Variants in LARP1 observed in about 807,000 individuals in gnomAD.
The protein encoded by LARP1 is La ribonucleoprotein 1, translational regulator.
LARP1 carries 36 observed loss-of-function variants against 122.7 expected under a neutral mutation model. The observed-to-expected ratio is 0.29, with a 90% CI of 0.22 to 0.39. LARP1 has a LOEUF of 0.39. LARP1 is among the 10% of genes least tolerant of loss of function. The pLI is 1.00. For synonymous variants in LARP1, 539 were observed against 528.7 expected, an observed-to-expected ratio of 1.02 and a Z score of -0.27; for missense variants, 1,040 against 1,403.6, an observed-to-expected ratio of 0.74 and a Z score of 4.14.
At position 154,792,061 on chromosome 5, in the gene LARP1, G is replaced by A. The variant is rs879751107; in HGVS notation, c.565-561G>A. 3.7e-5 allele frequency: 16 copies of A among 437,334 alleles called. No individual in the cohort carries two copies. In the Admixed American group the frequency reaches 3.8e-4, roughly 10 times the overall value. The allele number at this position is 437,334 out of a possible 1,614,324, so 27.1% of individuals were successfully genotyped here. A position where few individuals can be genotyped will look rare whatever the true frequency, so the allele number is the denominator to read the frequency against. On this transcript the variant is annotated intron_variant, in intron 3 of 18. Coordinates refer to ENST00000518297, the MANE Select transcript of LARP1 (RefSeq NM_033551.3). ...CTGTGTTCTCCATCACTACGCTTGG[G>A]TTTTCTGAGTGAAGTAGGAGAGTGG... is the stretch of plus-strand genomic sequence containing the variant.
chr5:154,702,511 A>AC (rs1754764410), intron 1 of LARP1, among the ~76,000 whole-genome samples: 2 of 151,210 alleles, frequency 1.3e-5, no homozygotes, highest in South Asian at 4.2e-4. Flanking sequence ...AGCCAAGACC[A>AC]TGCCATTGCA....
intron 1 of LARP1, among the ~76,000 whole-genome samples, chr5:154,779,273 A>G (rs1307553950): frequency 1.3e-5 from 2 of 152,150 alleles, no homozygotes; most frequent in African/African-American, 4.8e-5. Context: ...TGTGTGGCCC[A>G]GTTAATGCCT....
chr5:154,761,134 A>G (rs1754410818), intron 1 of LARP1, among the ~76,000 whole-genome samples: 2 of 152,238 alleles, frequency 1.3e-5, no homozygotes, highest in South Asian at 4.1e-4. Flanking sequence ...AAAGGTCACA[A>G]TTAGGACACC....
At chr5:154,749,993 G>A (rs76925676) in intron 1 of LARP1, among the ~76,000 whole-genome samples, 3,755 of 152,238 alleles carry the variant, frequency 0.025, 146 homozygotes, top group African/African-American at 0.084. Flanking sequence ...AGATGGGCAG[G>A]TATGCTTCCT....
chr5:154,813,742 T>A, intron 18 of LARP1, 145 bp from the exon 19 acceptor site: 1 of 713,158 alleles, frequency 1.4e-6, no homozygotes. Flanking sequence ...AAGAAACGCT[T>A]AATAACTTAT....
chr5:154,755,435 A>C lies in LARP1; in HGVS notation c.-323A>C. 2.1e-5 allele frequency: 9 copies of C among 433,736 alleles called. No homozygotes were observed. Among genetic ancestry groups the C allele is most frequent in the Non-Finnish European group, 2.7e-5 (9 of 334,840 alleles). 26.9% of individuals were successfully genotyped at this position (433,736 alleles called of 1,614,324 possible). ...CCGGGCCGCCCCGGGGGCGGGGGGG[A>C]GGGAGGGACGGGACTAGAAGCCTGC... On this transcript the variant is annotated 5_prime_UTR_variant, in exon 1 of 19. Coordinates refer to ENST00000518297, the MANE Select transcript of LARP1 (RefSeq NM_033551.3).
intron 1 of LARP1, among the ~76,000 whole-genome samples, chr5:154,721,346 C>CAAAAAAAAAAAAAAAAAA (rs70981943): frequency 7.9e-6 from 1 of 126,934 alleles, no homozygotes; most frequent in Non-Finnish European, 1.7e-5. Context: ...GACTCCGTCT[C>CAAAAAAAAAAAAAAAAAA]AAAAAAAAAA....
In LARP1 at chr5:154,816,423, A is replaced by T. The variant is rs1759671390; in HGVS notation, c.*2327A>T. 1 of 152,712 alleles carries T rather than the reference A, an allele frequency of 6.5e-6. No homozygotes were observed. The highest frequency in any genetic ancestry group is 1.5e-5 in the Non-Finnish European group (1 of 68,086). 9.5% of individuals were successfully genotyped at this position (152,712 alleles called of 1,614,324 possible). A position where few individuals can be genotyped will look rare whatever the true frequency, so the allele number is the denominator to read the frequency against. The stretch of plus-strand genomic sequence containing the variant: ...TTTACTCCCAGGCCAGGGGGCTGCC[A>T]TCTTCTTCACAGACATCCCTGAAAG... On this transcript the variant is annotated 3_prime_UTR_variant, in exon 19 of 19. Coordinates refer to ENST00000518297, the MANE Select transcript of LARP1 (RefSeq NM_033551.3).
chr5:154,720,801 GT>G (rs1755816909), intron 1 of LARP1, among the ~76,000 whole-genome samples: 1 of 152,148 alleles, frequency 6.6e-6, no homozygotes, highest in Non-Finnish European at 1.5e-5. Flanking sequence ...GAGAACCTTT[GT>G]TTTGGGAGGT....
At chr5:154,723,994 G>C (rs6580113) in intron 1 of LARP1, among the ~76,000 whole-genome samples, 96,175 of 152,034 alleles carry the variant, frequency 0.63, 30,903 homozygotes, top group African/African-American at 0.74. Context: ...CCCCAACCCT[G>C]CCTTCATGGG....
intron 8 of LARP1, among the ~76,000 whole-genome samples, chr5:154,798,197 A>G (rs564553090): frequency 3.9e-5 from 6 of 152,314 alleles, no homozygotes; most frequent in Non-Finnish European, 8.8e-5. Flanking sequence ...ACGTGGTTCT[A>G]GAGTCTCAGC....
chr5:154,757,405 G>C (rs1021261132), intron 1 of LARP1: 3 of 123,756 alleles, frequency 2.4e-5, no homozygotes, highest in East Asian at 2.2e-4. Context: ...CGGCTTGGGT[G>C]GGGGGGGCGC....
At chr5:154,759,468 A>C (rs1278837859) in intron 1 of LARP1, among the ~76,000 whole-genome samples, 6 of 152,230 alleles carry the variant, frequency 3.9e-5, no homozygotes, top group Non-Finnish European at 8.8e-5. Context: ...CTGACTCTTA[A>C]GAATTAGCTA....
At chr5:154,685,965 C>T (rs1462585874) in intron 1 of LARP1, 1 of 471,874 alleles carries the variant, frequency 2.1e-6, no homozygotes, top group Non-Finnish European at 4.1e-6. Context: ...GATTAAGTCT[C>T]TTTTATAAAC....
At chr5:154,805,779 G>C (rs891432771) in intron 14 of LARP1, 102 bp from the exon 15 acceptor site, 2 of 1,257,618 alleles carry the variant, frequency 1.6e-6, no homozygotes, top group African/African-American at 3.0e-5. Flanking sequence ...TACCCTGTGA[G>C]AGGATGGATC....
chr5:154,803,469 A>G lies in LARP1; in HGVS notation c.2233+56A>G. ...GGGTGAGAGGATCTAGGGCCCTTGG[A>G]CTGGGGGCTATCCTGGGGTGGATGC... is the stretch of plus-strand genomic sequence containing the variant. On this transcript the variant is annotated intron_variant, in intron 12 of 18. Transcript: ENST00000518297. The surrounding 1 kb of genome is among the most constrained non-coding windows in gnomAD (Gnocchi z 4.4). The G allele has an allele frequency of 6.2e-7, 1 of 1,613,886 alleles. No individual in the cohort carries two copies. The highest frequency in any genetic ancestry group is 8.5e-7 in the Non-Finnish European group (1 of 1,179,922).
intron 1 of LARP1, among the ~76,000 whole-genome samples, chr5:154,684,364 AG>A (rs1753826509): frequency 6.6e-6 from 1 of 151,978 alleles, no homozygotes; most frequent in Non-Finnish European, 1.5e-5. Context: ...TGAACTCAGG[AG>A]GTGGGGACTA....
At chr5:154,804,931 G>A (rs748169424) in intron 14 of LARP1, 16 of 456,126 alleles carry the variant, frequency 3.5e-5, no homozygotes, top group Middle Eastern at 6.5e-4. Flanking sequence ...AACGAAGGGC[G>A]TGGGGTGCCC....
At chr5:154,728,392 G>A (rs928983342) in intron 1 of LARP1, among the ~76,000 whole-genome samples, 4 of 152,082 alleles carry the variant, frequency 2.6e-5, no homozygotes, top group Admixed American at 6.6e-5. Context: ...TTTGAATCTC[G>A]GCTTATCCTT....
Sources: allele counts gnomAD v4.1 joint callset (sites outside exome capture counted in the v4.1 genomes callset), GRCh38; gene constraint gnomAD v4.1.1; non-coding constraint Gnocchi (gnomAD v3.1); transcripts MANE v1.5; gene names NCBI Gene and HGNC (gene_info 2026-07-23, HGNC 2026-07-21).